Variants in DCDC2 observed in about 807,000 individuals in gnomAD.
The protein encoded by DCDC2 is doublecortin domain-containing protein 2.
Under a neutral mutation model 50.2 loss-of-function variants are expected in DCDC2, and 40 were observed. That is an observed-to-expected ratio of 0.80 (90% CI 0.62 to 1.04). DCDC2 has a LOEUF of 1.04. DCDC2 is among the 50% of genes least tolerant of loss of function. DCDC2 has a pLI of 0.00. For missense variants in DCDC2, 570 were observed against 581.9 expected (o/e 0.98, Z 0.21); for synonymous variants, 234 against 210.6 (o/e 1.11, Z -0.96).
At chr6:24,263,448 T>C (rs961921196) in intron 7 of DCDC2, among the ~76,000 whole-genome samples, 1 of 152,042 alleles carries the variant, frequency 6.6e-6, no homozygotes, top group African/African-American at 2.4e-5. Flanking sequence ...TTTCAGAGAA[T>C]TCAAAATACC....
chr6:24,227,179 G>A (rs1052390586), intron 7 of DCDC2, among the ~76,000 whole-genome samples: 20 of 152,208 alleles, frequency 1.3e-4, no homozygotes, highest in African/African-American at 4.8e-4. Flanking sequence ...TCAGCATCAT[G>A]TACTGAGTTA....
chr6:24,229,007 A>G (rs1762288346), intron 7 of DCDC2, among the ~76,000 whole-genome samples: 1 of 152,250 alleles, frequency 6.6e-6, no homozygotes. Flanking sequence ...ACCAGAAATC[A>G]TAGCACTGCT....
At chr6:24,247,435 A>G (rs1762703741) in intron 7 of DCDC2, among the ~76,000 whole-genome samples, 1 of 152,190 alleles carries the variant, frequency 6.6e-6, no homozygotes, top group Admixed American at 6.5e-5. Context: ...AACTTACTGT[A>G]GGCTTTTCAA....
At chr6:24,212,892 G>A (rs9460976) in intron 7 of DCDC2, among the ~76,000 whole-genome samples, 16,737 of 152,154 alleles carry the variant, frequency 0.11, 1,004 homozygotes, top group Middle Eastern at 0.16. Context: ...ATAATAAATA[G>A]GAATCTGCTT....
chr6:24,252,234 C>T (rs1487498188), intron 7 of DCDC2, among the ~76,000 whole-genome samples: 4 of 152,184 alleles, frequency 2.6e-5, no homozygotes, highest in African/African-American at 9.7e-5. Flanking sequence ...CCCTACAACA[C>T]ACATATAGTT....
intron 2 of DCDC2, among the ~76,000 whole-genome samples, chr6:24,346,466 C>T (rs374871516): frequency 7.8e-4 from 118 of 152,074 alleles, no homozygotes; most frequent in African/African-American, 2.7e-3. Flanking sequence ...TAAATTTCAC[C>T]ATACACAGTC....
At chr6:24,237,186 TAA>T (rs60077867) in intron 7 of DCDC2, among the ~76,000 whole-genome samples, 6 of 147,032 alleles carry the variant, frequency 4.1e-5, no homozygotes, top group African/African-American at 9.8e-5. Flanking sequence ...CATGAAAAGG[TAA>T]AAAAAAAAAA....
chr6:24,250,380 C>T (rs1011034789), intron 7 of DCDC2, among the ~76,000 whole-genome samples: 5 of 152,144 alleles, frequency 3.3e-5, no homozygotes, highest in East Asian at 3.9e-4. Flanking sequence ...CCAGTAATCA[C>T]GGCTGGCTAA....
chr6:24,372,425 A>G, the DCDC2 span, among the ~76,000 whole-genome samples: 50 of 152,240 alleles, frequency 3.3e-4, no homozygotes, highest in African/African-American at 1.2e-3. Flanking sequence ...TCTCAAAAAA[A>G]AAAAAGGTGT....
intron 7 of DCDC2, among the ~76,000 whole-genome samples, chr6:24,245,720 A>G (rs1762656075): frequency 1.3e-5 from 2 of 152,250 alleles, no homozygotes; most frequent in South Asian, 4.1e-4. Flanking sequence ...TTTAGAGAAC[A>G]GTAGAAAGAA....
chr6:24,352,369 T>G (rs1043772144), intron 2 of DCDC2, among the ~76,000 whole-genome samples: 1 of 152,158 alleles, frequency 6.6e-6, no homozygotes, highest in African/African-American at 2.4e-5. Flanking sequence ...TGCCCTTTAT[T>G]ACTACTCTAC....
At chr6:24,333,242 C>A (rs1164533817) in intron 2 of DCDC2, among the ~76,000 whole-genome samples, 1 of 152,012 alleles carries the variant, frequency 6.6e-6, no homozygotes, top group African/African-American at 2.4e-5. Context: ...TCCAAGTAGT[C>A]CCAAGTTCCA....
At chr6:24,378,888 G>C in the DCDC2 span, among the ~76,000 whole-genome samples, 8 of 148,308 alleles carry the variant, frequency 5.4e-5, no homozygotes, top group Non-Finnish European at 1.2e-4. Context: ...GGAGTTCAAG[G>C]CTGCAGTGAG....
At chr6:24,215,970 T>C (rs896778369) in intron 7 of DCDC2, among the ~76,000 whole-genome samples, 1 of 152,192 alleles carries the variant, frequency 6.6e-6, no homozygotes, top group Non-Finnish European at 1.5e-5. Context: ...CTTGGTTGTC[T>C]ACATCGTTAA....
intron 7 of DCDC2, among the ~76,000 whole-genome samples, chr6:24,274,605 CAAAAAAAA>C (rs61569208): frequency 5.6e-4 from 46 of 82,418 alleles, no homozygotes; most frequent in Admixed American, 1.6e-3. Flanking sequence ...GAAACAGAGT[CAAAAAAAA>C]AAAAAAAAAA....
chr6:24,206,900 T>A (rs147064489), intron 7 of DCDC2, among the ~76,000 whole-genome samples: 1 of 152,048 alleles, frequency 6.6e-6, no homozygotes, highest in Non-Finnish European at 1.5e-5. Flanking sequence ...GATGTGTTTA[T>A]CAGTGAACCA....
chr6:24,327,255 A>C (rs1759886511), intron 2 of DCDC2, among the ~76,000 whole-genome samples: 1 of 149,188 alleles, frequency 6.7e-6, no homozygotes, highest in Admixed American at 6.7e-5. Flanking sequence ...TTGACTATAA[A>C]CCCTGAGATC....
intron 2 of DCDC2, among the ~76,000 whole-genome samples, chr6:24,323,611 T>C (rs909387369): frequency 1.3e-5 from 2 of 152,168 alleles, no homozygotes; most frequent in African/African-American, 4.8e-5. Flanking sequence ...TTAATAGACC[T>C]TAATGCAAAT....
chr6:24,226,935 C>T (rs540803168), intron 7 of DCDC2, among the ~76,000 whole-genome samples: 97 of 152,234 alleles, frequency 6.4e-4, no homozygotes, highest in Admixed American at 5.8e-3. Flanking sequence ...TTCACATACT[C>T]GGGAGGCAGC....
Sources: allele counts gnomAD v4.1 joint callset (sites outside exome capture counted in the v4.1 genomes callset), GRCh38; gene constraint gnomAD v4.1.1; transcripts MANE v1.5; gene names NCBI Gene and HGNC (gene_info 2026-07-23, HGNC 2026-07-21).